WDR1: variants seen among roughly 807,000 people sequenced by gnomAD.
WDR1 encodes the protein WD repeat-containing protein 1.
In WDR1, 21 loss-of-function variants were observed where a neutral mutation model predicts 71.9. The observed-to-expected ratio is 0.29, with a 90% CI of 0.21 to 0.42. WDR1 has a LOEUF of 0.42. Among genes scored for constraint, WDR1 ranks in the 10% least tolerant of loss-of-function variants. The probability of loss-of-function intolerance (pLI) is 1.00; values close to 1 mark genes in which losing one functional copy is unlikely to be tolerated. For synonymous variants in WDR1, 424 were observed against 347.4 expected, an observed-to-expected ratio of 1.22 and a Z score of -2.45; for missense variants, 696 against 824.5, an observed-to-expected ratio of 0.84 and a Z score of 1.91.
intron 2 of WDR1, among the ~76,000 whole-genome samples, chr4:10,111,437 C>T (rs965797240): frequency 1.3e-5 from 2 of 152,224 alleles, no homozygotes; most frequent in Admixed American, 1.3e-4. Flanking sequence ...GGTGGTCAGA[C>T]TGAAGGCCTA....
rs149155795 is a variant in WDR1, at chr4:10,084,513, G to T, written c.969C>A (p.Ile323=). ...CGTTTTTATGCACCGTCAGACACTGGATCGATTTACTGTGACCCTGTGAAG... is the reference window on the plus strand; with the variant it reads ...CGTTTTTATGCACCGTCAGACACTGTATCGATTTACTGTGACCCTGTGAAG... ...LHVIKGHSKS[I]QCLTVHKNGG... Residue 323 remains isoleucine, a synonymous_variant, in exon 9 of 15, where the codon ATC becomes ATA. Coordinates refer to ENST00000499869, the MANE Select transcript of WDR1 (RefSeq NM_017491.5). 257 of 1,613,900 alleles carry T rather than the reference G, an allele frequency of 1.6e-4. No homozygotes were observed. The highest frequency in any genetic ancestry group is 2.0e-4 in the Non-Finnish European group (236 of 1,179,792).
At chr4:10,090,183 T>C (rs1186628497) in intron 5 of WDR1, among the ~76,000 whole-genome samples, 1 of 152,144 alleles carries the variant, frequency 6.6e-6, no homozygotes, top group Admixed American at 6.5e-5. Flanking sequence ...TAAATTTCCA[T>C]TGTTTAAGGC....
chr4:10,101,324 A>T (rs756748144), intron 3 of WDR1, among the ~76,000 whole-genome samples: 2 of 152,262 alleles, frequency 1.3e-5, no homozygotes, highest in Non-Finnish European at 2.9e-5. Flanking sequence ...AAGATCCTGC[A>T]GAGGGCTGGG....
chr4:10,104,572 T>A (rs1712907051), intron 2 of WDR1, among the ~76,000 whole-genome samples: 1 of 152,130 alleles, frequency 6.6e-6, no homozygotes. Context: ...GTGGACTTTG[T>A]GGCAAAAATG....
chr4:10,100,958 T>C (rs1490519442), intron 3 of WDR1, among the ~76,000 whole-genome samples: 2 of 152,220 alleles, frequency 1.3e-5, no homozygotes, highest in Non-Finnish European at 2.9e-5. Flanking sequence ...TGCTGCCCCA[T>C]GGAGAAGACA....
chr4:10,077,619 C>T, intron 13 of WDR1, 134 bp downstream of exon 13: 1 of 1,446,376 alleles, frequency 6.9e-7, no homozygotes. Flanking sequence ...TGGCACGAGG[C>T]ACCTGCTACT....
chr4:10,090,216 C>A (rs781719929), intron 5 of WDR1, among the ~76,000 whole-genome samples: 2 of 152,214 alleles, frequency 1.3e-5, no homozygotes, highest in Non-Finnish European at 2.9e-5. Flanking sequence ...GCTTAACAAA[C>A]TTTGTTATGG....
chr4:10,112,222 G>A (rs1186960365), intron 2 of WDR1, among the ~76,000 whole-genome samples: 1 of 152,136 alleles, frequency 6.6e-6, no homozygotes, highest in East Asian at 1.9e-4. Flanking sequence ...GAGGTCATAA[G>A]AGGCAGAGGT....
chr4:10,082,903 G>A, intron 10 of WDR1, 119 bp downstream of exon 10: 1 of 1,297,212 alleles, frequency 7.7e-7, no homozygotes, highest in African/African-American at 1.5e-5. Flanking sequence ...TGGGGACGGG[G>A]TGGGAGAGAT....
intron 5 of WDR1, chr4:10,092,500 G>GT: frequency 6.5e-6 from 1 of 153,678 alleles, no homozygotes; most frequent in Admixed American, 6.4e-5. Context: ...CACAGGCTCT[G>GT]GCAGGGTGGT....
chr4:10,103,977 G>C lies in WDR1; in HGVS notation c.148C>G (p.Leu50Val), dbSNP rs534955061. Reference sequence around the variant, plus strand: ...GCGTGCTCTGTGTAGATGTCAGCAAGGGCTGGGTTCTGCAGGAGGAGACCC... The same window carrying C: ...GCGTGCTCTGTGTAGATGTCAGCAACGGCTGGGTTCTGCAGGAGGAGACCC... ...VILRNIDNPA[L>V]ADIYTEHAHQ... The change falls in exon 3 of 15, where the codon CTT (leucine) becomes GTT (valine). Residue 50 changes from leucine to valine, a missense_variant. Leu to Val is a conservative substitution (Grantham distance 32, BLOSUM62 1). Coordinates refer to ENST00000499869, the MANE Select transcript of WDR1 (RefSeq NM_017491.5). 1.3e-6 allele frequency: 2 copies of C among 1,598,358 alleles called. No homozygotes were observed. The highest frequency in any genetic ancestry group is 1.7e-6 in the Non-Finnish European group (2 of 1,172,832).
chr4:10,079,019 A>C lies in WDR1; in HGVS notation c.1285-18T>G, dbSNP rs1764908343. The C allele has an allele frequency of 6.3e-7, 1 of 1,582,830 alleles. No homozygotes were observed. The highest frequency in any genetic ancestry group is 8.6e-7 in the Non-Finnish European group (1 of 1,160,790). On this transcript the variant is annotated intron_variant, in intron 11 of 14. Coordinates refer to ENST00000499869, the MANE Select transcript of WDR1 (RefSeq NM_017491.5). The stretch of plus-strand genomic sequence containing the variant: ...AGGACAATCTGTGGCACACACAGGC[A>C]GCTGGTCAGGCGGTCCAGCCCTTCG...
At chr4:10,107,701 G>A (rs1302365389) in intron 2 of WDR1, among the ~76,000 whole-genome samples, 3 of 152,210 alleles carry the variant, frequency 2.0e-5, no homozygotes, top group African/African-American at 7.2e-5. Context: ...AAGACCTCGA[G>A]ACAAGCCCCA....
chr4:10,085,648 C>T (rs916708894), intron 8 of WDR1, among the ~76,000 whole-genome samples: 4 of 152,256 alleles, frequency 2.6e-5, no homozygotes, highest in African/African-American at 9.6e-5. Flanking sequence ...CACTCCTAGC[C>T]ATGCCCAGAT....
At chr4:10,097,993 T>C (rs1225123997) in intron 4 of WDR1, 102 bp from the exon 5 acceptor site, 1 of 1,230,176 alleles carries the variant, frequency 8.1e-7, no homozygotes, top group Non-Finnish European at 1.1e-6. Flanking sequence ...GCACAGAGGA[T>C]GGAGTGACTG....
In WDR1 at chr4:10,116,761, G is replaced by A; in HGVS notation, c.-95C>T. ...CTCGCCGAGGCCGAGCCCGGGGACT[G>A]GAGCCGGAAGGCGGCACCGGGCGTG... On this transcript the variant is annotated 5_prime_UTR_variant, in exon 1 of 15. Transcript: ENST00000499869. 2 of 1,231,918 alleles carry A rather than the reference G, an allele frequency of 1.6e-6. No individual in the cohort carries two copies. The highest frequency in any genetic ancestry group is 4.2e-5 in the Admixed American group (1 of 23,772). 76.3% of individuals were successfully genotyped at this position (1,231,918 alleles called of 1,614,324 possible). A position where few individuals can be genotyped will look rare whatever the true frequency, so the allele number is the denominator to read the frequency against.
chr4:10,079,122 T>C, intron 11 of WDR1, 121 bp from the exon 12 acceptor site: 1 of 705,362 alleles, frequency 1.4e-6, no homozygotes, highest in Non-Finnish European at 2.3e-6. Flanking sequence ...ATACCCAACC[T>C]CTTTGCAGGG....
rs4235349 is a variant in WDR1, at chr4:10,088,554, T to C, written c.636+110A>G. 1,146,666 of 1,151,318 alleles carry C rather than the reference T, an allele frequency of 1. 571,129 individuals are homozygous for C. Among genetic ancestry groups the C allele is most frequent in the East Asian group, 1 (39,125 of 39,128 alleles). The allele number at this position is 1,151,318 out of a possible 1,614,324, so 71.3% of individuals were successfully genotyped here. ...GAGTCTGCAGATGTGGGGAGGGCGA[T>C]GTCTAAGTTCTGCATGTCAGGACTA... On this transcript the variant is annotated intron_variant, in intron 6 of 14. Coordinates refer to ENST00000499869, the MANE Select transcript of WDR1 (RefSeq NM_017491.5).
intron 2 of WDR1, among the ~76,000 whole-genome samples, chr4:10,113,280 G>C: frequency 6.6e-6 from 1 of 152,194 alleles, no homozygotes; most frequent in East Asian, 1.9e-4. Context: ...AGATTTGCCT[G>C]AACCCGGCAG....
Sources: gnomAD v4.1 joint callset for allele counts (sites outside exome capture counted in the v4.1 genomes callset) on GRCh38, gnomAD v4.1.1 for gene constraint, MANE v1.5 for transcripts, NCBI Gene and HGNC (gene_info 2026-07-23, HGNC 2026-07-21) for gene names.